UHRF2: variants seen among roughly 807,000 people sequenced by gnomAD.
The protein encoded by UHRF2 is ubiquitin like with PHD and ring finger domains 2, also known as E3 ubiquitin-protein ligase UHRF2.
In UHRF2, 23 loss-of-function variants were observed where a neutral mutation model predicts 96.8. The observed-to-expected ratio is 0.24, with a 90% CI of 0.17 to 0.34. The LOEUF is 0.34. UHRF2 is among the 10% of genes least tolerant of loss of function. UHRF2 has a pLI of 1.00. For synonymous variants in UHRF2, 385 were observed against 332.6 expected (o/e 1.16, Z -1.72); for missense variants, 685 against 981.5 (o/e 0.70, Z 4.04).
chr9:6,413,895 C>G (rs2381444), intron 1 of UHRF2: 1 of 381,294 alleles, frequency 2.6e-6, no homozygotes, highest in Non-Finnish European at 4.6e-6. Flanking sequence ...GCGCAAATAT[C>G]TCGCCGTTTG....
At chr9:6,484,525 C>T (rs1008302298) in intron 8 of UHRF2, 2 of 151,160 alleles carry the variant, frequency 1.3e-5, no homozygotes, top group African/African-American at 4.9e-5. Flanking sequence ...CTCTGAGCCA[C>T]CAGAGTAGCT....
At chr9:6,454,301 G>C (rs1339911011) in intron 3 of UHRF2, among the ~76,000 whole-genome samples, 1 of 152,188 alleles carries the variant, frequency 6.6e-6, no homozygotes, top group East Asian at 1.9e-4. Context: ...TTGATACAAG[G>C]ATCCAAAACC....
At chr9:6,434,543 A>G (rs760883822) in intron 3 of UHRF2, among the ~76,000 whole-genome samples, 19 of 151,982 alleles carry the variant, frequency 1.3e-4, no homozygotes, top group Non-Finnish European at 2.4e-4. Flanking sequence ...GGTTTAAGTG[A>G]TTCTCCTGCC....
At chr9:6,444,216 G>T (rs1467241275) in intron 3 of UHRF2, among the ~76,000 whole-genome samples, 2 of 152,172 alleles carry the variant, frequency 1.3e-5, no homozygotes, top group Non-Finnish European at 2.9e-5. Flanking sequence ...CAGAACCCTG[G>T]TAAAATAACC....
chr9:6,439,604 A>G (rs532477357), intron 3 of UHRF2, among the ~76,000 whole-genome samples: 1 of 152,270 alleles, frequency 6.6e-6, no homozygotes, highest in South Asian at 2.1e-4. Context: ...TTTTTTCTGG[A>G]TTGCTGTTCT....
At chr9:6,487,182 CTTTTTTTTTTTTTT>C (rs1171978950) in intron 9 of UHRF2, among the ~76,000 whole-genome samples, 1 of 69,586 alleles carries the variant, frequency 1.4e-5, no homozygotes, top group African/African-American at 6.4e-5. Context: ...TTTTTTTTTC[CTTTTTTTTTTTTTT>C]TTTTTTTTTT....
intron 1 of UHRF2, among the ~76,000 whole-genome samples, chr9:6,420,459 T>C (rs1252564131): frequency 1.7e-4 from 26 of 151,010 alleles, no homozygotes; most frequent in African/African-American, 6.1e-4. Flanking sequence ...TCCCAGCACT[T>C]TGGGAGGTCG....
chr9:6,459,706 G>A (rs1266521286), intron 3 of UHRF2, among the ~76,000 whole-genome samples: 2 of 152,230 alleles, frequency 1.3e-5, no homozygotes, highest in Non-Finnish European at 2.9e-5. Flanking sequence ...TGACATGGTG[G>A]CTCATGCCGG....
chr9:6,436,782 T>A (rs1820873576), intron 3 of UHRF2, among the ~76,000 whole-genome samples: 1 of 152,170 alleles, frequency 6.6e-6, no homozygotes, highest in Admixed American at 6.5e-5. Context: ...TTTTGTCAGT[T>A]AGAATGAATG....
intron 9 of UHRF2, among the ~76,000 whole-genome samples, chr9:6,492,008 C>T (rs989016427): frequency 1.1e-4 from 17 of 152,200 alleles, no homozygotes; most frequent in Admixed American, 3.3e-4. Flanking sequence ...GCTGGGATTA[C>T]AGGCATGAAT....
intron 2 of UHRF2, among the ~76,000 whole-genome samples, 159 bp from the exon 3 acceptor site, chr9:6,433,755 A>G (rs745442641): frequency 8.5e-5 from 13 of 152,250 alleles, no homozygotes; most frequent in Non-Finnish European, 1.8e-4. Context: ...AGCACAAATC[A>G]GAAAGAATAG....
At chr9:6,492,071 G>A (rs1305253988) in intron 9 of UHRF2, among the ~76,000 whole-genome samples, 1 of 151,998 alleles carries the variant, frequency 6.6e-6, no homozygotes, top group East Asian at 1.9e-4. Context: ...TATGGTTTGA[G>A]CTCTTACAGT....
intron 8 of UHRF2, among the ~76,000 whole-genome samples, chr9:6,486,091 T>C (rs1051107025): frequency 2.0e-5 from 3 of 152,206 alleles, no homozygotes; most frequent in African/African-American, 7.2e-5. Flanking sequence ...GAGAGGGTAA[T>C]AAATCATGTT....
chr9:6,434,686 C>G (rs951362624), intron 3 of UHRF2, among the ~76,000 whole-genome samples: 2 of 152,010 alleles, frequency 1.3e-5, no homozygotes, highest in Non-Finnish European at 2.9e-5. Flanking sequence ...TGATCTGCCC[C>G]CCTTGGCCTC....
In UHRF2 at chr9:6,504,708, C is replaced by T. The variant is rs376103286; in HGVS notation, c.2262+17C>T. 6 of 1,587,588 alleles carry T rather than the reference C, an allele frequency of 3.8e-6. No individual in the cohort carries two copies. In the East Asian group the frequency reaches 1.3e-4, roughly 36 times the overall value. On this transcript the variant is annotated intron_variant, in intron 15 of 15. Transcript: ENST00000276893. ...GTCTGTAAAGTAAGTAGAATTCCTTCCTCACTTTCCCTGTTAGGTATGAAG... is the reference window on the plus strand; with the variant it reads ...GTCTGTAAAGTAAGTAGAATTCCTTTCTCACTTTCCCTGTTAGGTATGAAG...
intron 4 of UHRF2, among the ~76,000 whole-genome samples, chr9:6,464,459 G>C (rs569165275): frequency 6.6e-6 from 1 of 151,428 alleles, no homozygotes; most frequent in South Asian, 2.1e-4. Flanking sequence ...GTTCAAGAAA[G>C]TTTTTTTTTC....
At position 6,489,927 on chromosome 9, in the gene UHRF2, A is replaced by C. The variant is rs146384515; in HGVS notation, c.1497+3002A>C. ...GCAGTGCATTTACATTAACATGGCA[A>C]AGTAAATGGAAATGGAAATATTTAG... On this transcript the variant is annotated intron_variant, in intron 9 of 15. Coordinates refer to ENST00000276893, the MANE Select transcript of UHRF2 (RefSeq NM_152896.3). 5.2e-3 allele frequency among the ~76,000 whole-genome samples: 787 copies of C among 152,316 alleles called. 4 individuals carry two copies. Among genetic ancestry groups the C allele is most frequent in the African/African-American group, 0.017 (727 of 41,570 alleles).
Position 6,413,534 on chromosome 9 carries a change from C to T in UHRF2, c.44C>T (p.Thr15Ile), listed in dbSNP as rs368943656. ...VRTIDGSKTC[T>I]IEDVSRKATI... The stretch of plus-strand genomic sequence containing the variant: ...ACCATTGATGGCTCCAAGACGTGCA[C>T]CATTGAGGACGTGTCTCGCAAAGCC... Residue 15 changes from threonine to isoleucine, a missense_variant, in exon 1 of 16, where the codon ACC (threonine) becomes ATC (isoleucine). Transcript: ENST00000276893. 1.9e-5 allele frequency: 31 copies of T among 1,594,732 alleles called. No individual in the cohort carries two copies. The highest frequency in any genetic ancestry group is 2.6e-5 in the Non-Finnish European group (30 of 1,171,610).
rs149372528 is a variant in UHRF2, at chr9:6,433,659, G to A, written c.385-255G>A. Among the ~76,000 whole-genome samples the A allele has an allele frequency of 5.1e-3, 777 of 152,282 alleles. 1 individual carries two copies. Among genetic ancestry groups the A allele is most frequent in the African/African-American group, 0.018 (728 of 41,540 alleles). Reference sequence around the variant, plus strand: ...ATATTTTCAAAAGTCTAGTGTATACGTCAGTAAGGCGTAAAGAAAACACCT... The same window carrying A: ...ATATTTTCAAAAGTCTAGTGTATACATCAGTAAGGCGTAAAGAAAACACCT... On this transcript the variant is annotated intron_variant, in intron 2 of 15. Coordinates refer to ENST00000276893, the MANE Select transcript of UHRF2 (RefSeq NM_152896.3).
Sources: allele counts gnomAD v4.1 joint callset (sites outside exome capture counted in the v4.1 genomes callset), GRCh38; gene constraint gnomAD v4.1.1; transcripts MANE v1.5; gene names NCBI Gene and HGNC (gene_info 2026-07-23, HGNC 2026-07-21).